TRMT6: variants seen among roughly 807,000 people sequenced by gnomAD.
TRMT6 encodes the protein tRNA (adenine(58)-N(1))-methyltransferase non-catalytic subunit TRM6.
A neutral mutation model predicts 59.0 loss-of-function variants in TRMT6; 34 were observed. The ratio of observed to expected loss-of-function variants is 0.58; its 90% CI spans 0.44 to 0.77. The LOEUF (loss-of-function observed/expected upper bound fraction) is 0.77, where lower values mean the gene tolerates loss of function less well. Among genes scored for constraint, TRMT6 ranks in the 30% least tolerant of loss-of-function variants. The pLI is 0.00. For synonymous variants in TRMT6, 217 were observed against 210.5 expected (o/e 1.03, Z -0.27); for missense variants, 575 against 604.5 (o/e 0.95, Z 0.51).
At position 5,942,045 on chromosome 20, in the gene TRMT6, A is replaced by G. The variant is rs767779399; in HGVS notation, c.1027-9T>C. The G allele has an allele frequency of 6.2e-7, 1 of 1,608,168 alleles. No homozygotes were observed. Among genetic ancestry groups the G allele is most frequent in the South Asian group, 1.1e-5 (1 of 91,026 alleles). ...CTCTGTTTTTCCTGAATCTTCAAAA[A>G]GAAAAATAAGAAATCAATGTACTGG... On this transcript the variant is annotated splice_polypyrimidine_tract_variant and intron_variant, in intron 7 of 10. Coordinates refer to ENST00000203001, the MANE Select transcript of TRMT6 (RefSeq NM_015939.5).
At chr20:5,950,108 G>GGAA (rs1454779993) in intron 1 of TRMT6, among the ~76,000 whole-genome samples, 170 bp downstream of exon 1, 3 of 152,080 alleles carry the variant, frequency 2.0e-5, no homozygotes, top group Non-Finnish European at 4.4e-5. Context: ...GGATCCTGGT[G>GGAA]GAAAAGCCTT....
chr20:5,942,214 T>C lies in TRMT6; in HGVS notation c.1027-178A>G, dbSNP rs1381900015. On this transcript the variant is annotated intron_variant, in intron 7 of 10. Transcript: ENST00000203001. ...GAAAGCCTATATACTATAAAAACCA[T>C]GATTAAGCTATCTATGCAACGCTTC... is the stretch of plus-strand genomic sequence containing the variant. The C allele has an allele frequency of 2.0e-5, 14 of 712,632 alleles. No homozygotes were observed. In the South Asian group the frequency reaches 2.4e-4, roughly 12 times the overall value. 44.1% of individuals were successfully genotyped at this position (712,632 alleles called of 1,614,324 possible).
In TRMT6 at chr20:5,950,459, T is replaced by C. The variant is rs2088782290; in HGVS notation, c.-54A>G. The C allele has an allele frequency of 6.6e-7, 1 of 1,521,996 alleles. No individual in the cohort carries two copies. Among genetic ancestry groups the C allele is most frequent in the Non-Finnish European group, 8.8e-7 (1 of 1,135,260 alleles). 94.3% of individuals were successfully genotyped at this position (1,521,996 alleles called of 1,614,324 possible). The stretch of plus-strand genomic sequence containing the variant: ...GCGTCCCGCCCCTCCTCCTCGGTTG[T>C]CGCCACCGCCAGCCTCACTTCCCAC... On this transcript the variant is annotated 5_prime_UTR_variant, in exon 1 of 11. Transcript: ENST00000203001.
At chr20:5,944,500 G>A (rs1490900283) in intron 3 of TRMT6, among the ~76,000 whole-genome samples, 1 of 152,138 alleles carries the variant, frequency 6.6e-6, no homozygotes, top group African/African-American at 2.4e-5. Context: ...GAGAAGAGAG[G>A]TAAAGGAAAC....
rs1023919088 is a variant in TRMT6, at chr20:5,937,799, T to C, written c.*736A>G. The C allele has an allele frequency of 6.6e-6, 1 of 152,204 alleles. No homozygotes were observed. Among genetic ancestry groups the C allele is most frequent in the African/African-American group, 2.4e-5 (1 of 41,452 alleles). The allele number at this position is 152,204 out of a possible 1,614,324, so 9.4% of individuals were successfully genotyped here. A position where few individuals can be genotyped will look rare whatever the true frequency, so the allele number is the denominator to read the frequency against. ...ACCAACATCTATATACATATGTGTG[T>C]GTGTGCAAATGTGTATCCATAAGAC... is the stretch of plus-strand genomic sequence containing the variant. On this transcript the variant is annotated 3_prime_UTR_variant, in exon 11 of 11. Coordinates refer to ENST00000203001, the MANE Select transcript of TRMT6 (RefSeq NM_015939.5).
rs1452499001 is a variant in TRMT6 at position 5,946,373 on chromosome 20, A to T, written c.256+33T>A. The stretch of plus-strand genomic sequence containing the variant: ...GAGATGTTTCTGACTAGTCAGTTGG[A>T]GAGCATCTATTTCACGCATCCAAAA... On this transcript the variant is annotated intron_variant, in intron 2 of 10. Coordinates refer to ENST00000203001, the MANE Select transcript of TRMT6 (RefSeq NM_015939.5). 4 of 1,613,902 alleles carry T rather than the reference A, an allele frequency of 2.5e-6. No homozygotes were observed. In the South Asian group the frequency reaches 4.4e-5, roughly 18 times the overall value.
chr20:5,947,934 C>T (rs1393594602), intron 1 of TRMT6, among the ~76,000 whole-genome samples: 1 of 152,026 alleles, frequency 6.6e-6, no homozygotes, highest in Admixed American at 6.6e-5. Context: ...ACCTGTAGTC[C>T]CAGCTACTTG....
At chr20:5,942,296 C>T in intron 7 of TRMT6, 132 bp downstream of exon 7, 2 of 871,564 alleles carry the variant, frequency 2.3e-6, no homozygotes, top group South Asian at 1.4e-5. Flanking sequence ...CATGTACACA[C>T]ACTCGTTCTC....
Position 5,937,831 on chromosome 20 carries a change from G to A in TRMT6, c.*704C>T, listed in dbSNP as rs190981289. On this transcript the variant is annotated 3_prime_UTR_variant, in exon 11 of 11. Coordinates refer to ENST00000203001, the MANE Select transcript of TRMT6 (RefSeq NM_015939.5). ...AAATGTGTATCCATAAGACCATAGA[G>A]GGGGAAAAGACATTTGTTTCCTTTA... 2 of 152,226 alleles carry A rather than the reference G, an allele frequency of 1.3e-5. No individual in the cohort carries two copies. The highest frequency in any genetic ancestry group is 3.9e-4 in the East Asian group (2 of 5,184). The allele number at this position is 152,226 out of a possible 1,614,324, so 9.4% of individuals were successfully genotyped here.
At chr20:5,942,334 T>C (rs757075330) in intron 7 of TRMT6, 94 bp downstream of exon 7, 1 of 1,109,896 alleles carries the variant, frequency 9.0e-7, no homozygotes, top group Non-Finnish European at 1.4e-6. Context: ...TCTTGGGAGC[T>C]AATACACCAA....
At position 5,944,567 on chromosome 20, in the gene TRMT6, G is replaced by T. The variant is rs2088688388; in HGVS notation, c.366+238C>A. ...CTGAAAATGAACAAAGTTAAATCCT[G>T]ATATGCACTGTTATTACATTCTCTA... On this transcript the variant is annotated intron_variant, in intron 3 of 10. Transcript: ENST00000203001. Among the ~76,000 whole-genome samples the T allele has an allele frequency of 2.0e-5, 3 of 152,250 alleles. No homozygotes were observed. In the South Asian group the frequency reaches 6.2e-4, roughly 32 times the overall value.
At chr20:5,943,874 A>G (rs1220100982) in intron 5 of TRMT6, 74 bp downstream of exon 5, 3 of 1,556,822 alleles carry the variant, frequency 1.9e-6, no homozygotes, top group Non-Finnish European at 2.6e-6. Flanking sequence ...AAGCTTTTTC[A>G]TTTTACTTAA....
At chr20:5,939,069 C>T (rs1380944196) in intron 10 of TRMT6, among the ~76,000 whole-genome samples, 1 of 152,110 alleles carries the variant, frequency 6.6e-6, no homozygotes, top group Non-Finnish European at 1.5e-5. Flanking sequence ...TTCCAAAGTG[C>T]TGGGATTACA....
intron 8 of TRMT6, 56 bp downstream of exon 8, chr20:5,941,895 T>C: frequency 1.4e-6 from 2 of 1,415,508 alleles, no homozygotes; most frequent in South Asian, 1.2e-5. Flanking sequence ...TGCCAATCTG[T>C]CTGAAGCAGA....
At chr20:5,941,854 C>G (rs933207130) in intron 8 of TRMT6, 97 bp downstream of exon 8, 9 of 1,088,342 alleles carry the variant, frequency 8.3e-6, no homozygotes, top group Non-Finnish European at 1.2e-5. Flanking sequence ...TCGGGTCCCA[C>G]TAGAGTCAAA....
intron 10 of TRMT6, 87 bp from the exon 11 acceptor site, chr20:5,938,813 C>T: frequency 8.3e-7 from 1 of 1,207,452 alleles, no homozygotes; most frequent in Non-Finnish European, 1.2e-6. Context: ...AGAATTTAAA[C>T]AACACAGGTT....
chr20:5,947,966 A>G (rs1199392963), intron 1 of TRMT6, among the ~76,000 whole-genome samples: 1 of 152,166 alleles, frequency 6.6e-6, no homozygotes, highest in African/African-American at 2.4e-5. Flanking sequence ...CAGGAGGGTC[A>G]CTTGAATTCA....
Position 5,938,665 on chromosome 20 carries a change from G to A in TRMT6, c.1364C>T (p.Ser455Phe), listed in dbSNP as rs765738906. ...LMSGGGGYLLSGFTVAMDNLK... is the reference protein window; with the variant it reads ...LMSGGGGYLLFGFTVAMDNLK... ...GTTGTCCATGGCAACGGTGAAGCCG[G>A]AGAGAAGATAACCCCCACCTCCACT... Residue 455 changes from serine to phenylalanine, a missense_variant, in exon 11 of 11, where the codon TCC (serine) becomes TTC (phenylalanine). Coordinates refer to ENST00000203001, the MANE Select transcript of TRMT6 (RefSeq NM_015939.5). The A allele has an allele frequency of 8.1e-6, 13 of 1,614,074 alleles. No individual in the cohort carries two copies. The highest frequency in any genetic ancestry group is 1.0e-5 in the Non-Finnish European group (12 of 1,180,046).
At position 5,946,495 on chromosome 20, in the gene TRMT6, T is replaced by G; in HGVS notation, c.167A>C (p.Asn56Thr). 5.6e-6 allele frequency: 9 copies of G among 1,614,180 alleles called. No homozygotes were observed. Among genetic ancestry groups the G allele is most frequent in the Non-Finnish European group, 7.6e-6 (9 of 1,180,024 alleles). Residue 56 changes from asparagine (N) to threonine (T), a missense_variant, in exon 2 of 11, where the codon AAC becomes ACC. Transcript: ENST00000203001. ...TFEKQWFYLD[N>T]VIGHSYGTAF... ...AGTTCCATAACTATGGCCAATGACG[T>G]TATCCAGGTAGAACCACTGTTTTTC... is the stretch of plus-strand genomic sequence containing the variant.
Sources: gnomAD v4.1 joint callset for allele counts (sites outside exome capture counted in the v4.1 genomes callset) on GRCh38, gnomAD v4.1.1 for gene constraint, MANE v1.5 for transcripts, NCBI Gene and HGNC (gene_info 2026-07-23, HGNC 2026-07-21) for gene names.